TYRP1: variants seen among roughly 807,000 people sequenced by gnomAD.
TYRP1 encodes tyrosinase related protein 1, also known as 5,6-dihydroxyindole-2-carboxylic acid oxidase.
TYRP1 carries 49 observed loss-of-function variants against 42.8 expected under a neutral mutation model. The ratio of observed to expected loss-of-function variants is 1.14; its 90% confidence interval spans 0.91 to 1.45. The LOEUF (loss-of-function observed/expected upper bound fraction) is 1.45, where lower values mean the gene tolerates loss of function less well. TYRP1 is among the 40% of genes most tolerant of loss of function. TYRP1 has a pLI of 0.00. For synonymous variants in TYRP1, 279 were observed against 235.4 expected, an observed-to-expected ratio of 1.19 and a Z score of -1.69; for missense variants, 848 against 662.0, an observed-to-expected ratio of 1.28 and a Z score of -3.08.
At position 12,701,363 on chromosome 9, in the gene TYRP1, A is replaced by G. The variant is rs560157444; in HGVS notation, c.914-908A>G. On this transcript the variant is annotated intron_variant, in intron 4 of 7. Transcript: ENST00000388918. ...TTACAGCTAACATGATCTTTTCCAT[A>G]TAATGACAGGCACCAAACAACTCTT... 3.9e-5 allele frequency among the ~76,000 whole-genome samples: 6 copies of G among 152,072 alleles called. No individual in the cohort carries two copies. In the East Asian group the frequency reaches 7.8e-4, roughly 20 times the overall value.
At chr9:12,703,901 GTGTGTGTGTA>G (rs1818216084) in intron 5 of TYRP1, among the ~76,000 whole-genome samples, 1 of 149,676 alleles carries the variant, frequency 6.7e-6, no homozygotes, top group Non-Finnish European at 1.5e-5. Flanking sequence ...GTGTGTGTGT[GTGTGTGTGTA>G]TATATGTGTG....
Position 12,708,003 on chromosome 9 carries a change from C to G in TYRP1, c.1268C>G (p.Ser423Cys). ...TGTCTTTGGAATAATTTAGATATAT[C>G]CACATTTCCATTGGAAAATGCCCCT... ...EWLRRYNADI[S>C]TFPLENAPIG... is the part of the protein sequence containing the mutation. The change falls in exon 7 of 8, where the codon TCC (serine) becomes TGC (cysteine). Residue 423 changes from serine (S) to cysteine (C), a missense_variant. Physicochemically the swap from Ser to Cys is moderately radical, Grantham distance 112 (BLOSUM62 -1). Coordinates refer to ENST00000388918, the MANE Select transcript of TYRP1 (RefSeq NM_000550.3). 6.2e-7 allele frequency: 1 copy of G among 1,610,932 alleles called. No homozygotes were observed.
rs760181346 is a variant in TYRP1 at position 12,704,623 on chromosome 9, G to C, written c.1179G>C (p.Leu393Phe). 3.1e-6 allele frequency: 5 copies of C among 1,613,114 alleles called. No individual in the cohort carries two copies. The highest frequency in any genetic ancestry group is 4.2e-6 in the Non-Finnish European group (5 of 1,179,476). The change falls in exon 6 of 8, where the codon TTG (leucine) becomes TTC (phenylalanine). Residue 393 changes from leucine (L) to phenylalanine (F), a missense_variant. Leu to Phe is a conservative substitution (Grantham distance 22, BLOSUM62 0). Coordinates refer to ENST00000388918, the MANE Select transcript of TYRP1 (RefSeq NM_000550.3). ...FLNGTGGQTHLSPNDPIFVLL... is the reference protein window; with the variant it reads ...FLNGTGGQTHFSPNDPIFVLL... Reference sequence around the variant, plus strand: ...ATGGAACAGGGGGACAAACCCATTTGTCTCCAAATGATCCTATTTTTGTCC... The same window carrying C: ...ATGGAACAGGGGGACAAACCCATTTCTCTCCAAATGATCCTATTTTTGTCC...
Position 12,694,112 on chromosome 9 carries a change from G to T in TYRP1, c.116G>T (p.Gly39Val), listed in dbSNP as rs1563851472. ...GCCACTGTTGAGGCTTTGAGAAGTG[G>T]TATGTGTTGCCCAGACCTGTCCCCT... ...QCATVEALRS[G>V]MCCPDLSPVS... Residue 39 changes from glycine to valine, a missense_variant, in exon 2 of 8, where the codon GGT (glycine) becomes GTT (valine). By Grantham distance (109) the Gly-to-Val change is moderately radical. Coordinates refer to ENST00000388918, the MANE Select transcript of TYRP1 (RefSeq NM_000550.3). 2.5e-6 allele frequency: 4 copies of T among 1,614,070 alleles called. No homozygotes were observed. The South Asian group carries it at 4.4e-5, about 18-fold the overall frequency.
chr9:12,703,328 C>G (rs1045761404), intron 5 of TYRP1, among the ~76,000 whole-genome samples: 1 of 151,852 alleles, frequency 6.6e-6, no homozygotes, highest in Non-Finnish European at 1.5e-5. Flanking sequence ...TTTTAATTCT[C>G]TCACCTTTTA....
chr9:12,696,676 G>C (rs1193979882), intron 3 of TYRP1, among the ~76,000 whole-genome samples: 1 of 151,500 alleles, frequency 6.6e-6, no homozygotes, highest in Non-Finnish European at 1.5e-5. Context: ...ACATATTAAA[G>C]TATCTAGTTA....
In TYRP1 at chr9:12,709,269, C is replaced by A; in HGVS notation, c.*87C>A. 7.8e-7 allele frequency: 1 copy of A among 1,284,058 alleles called. No homozygotes were observed. 79.5% of individuals were successfully genotyped at this position (1,284,058 alleles called of 1,614,324 possible). A position where few individuals can be genotyped will look rare whatever the true frequency, so the allele number is the denominator to read the frequency against. On this transcript the variant is annotated 3_prime_UTR_variant, in exon 8 of 8. Coordinates refer to ENST00000388918, the MANE Select transcript of TYRP1 (RefSeq NM_000550.3). ...GAGTTATTAACTGTATTTTCTTTCACTTTATTACCTTCTTTCTAATACAAG... is the reference window on the plus strand; with the variant it reads ...GAGTTATTAACTGTATTTTCTTTCAATTTATTACCTTCTTTCTAATACAAG...
intron 6 of TYRP1, among the ~76,000 whole-genome samples, chr9:12,707,337 AATACGATGCT>A (rs1818274547): frequency 6.6e-6 from 1 of 152,002 alleles, no homozygotes; most frequent in Non-Finnish European, 1.5e-5. Context: ...AGGTACCAGA[AATACGATGCT>A]ATACAAAATT....
chr9:12,704,689 G>A lies in TYRP1; in HGVS notation c.1245G>A (p.Leu415=), dbSNP rs756287313. The change falls in exon 6 of 8, where the codon CTG becomes CTA. Residue 415 remains leucine (L), a synonymous_variant. Transcript: ENST00000388918. ...TFTDAVFDEW[L]RRYNADISTF... ...CAGATGCAGTCTTTGATGAATGGCT[G>A]AGGAGATACAATGCTGGTAAGACAT... 6.2e-7 allele frequency: 1 copy of A among 1,612,926 alleles called. No homozygotes were observed. The highest frequency in any genetic ancestry group is 2.2e-5 in the East Asian group (1 of 44,820).
Position 12,709,524 on chromosome 9 carries a change from T to G in TYRP1, c.*342T>G. The G allele has an allele frequency of 3.9e-6, 1 of 259,522 alleles. No individual in the cohort carries two copies. The highest frequency in any genetic ancestry group is 5.7e-5 in the South Asian group (1 of 17,562). The allele number at this position is 259,522 out of a possible 1,614,324, so 16.1% of individuals were successfully genotyped here. On this transcript the variant is annotated 3_prime_UTR_variant, in exon 8 of 8. Coordinates refer to ENST00000388918, the MANE Select transcript of TYRP1 (RefSeq NM_000550.3). ...GTTTACGTGTAAAGGAAAATAATGT[T>G]TGATAGTAAATGTCCACTTAAAATA...
chr9:12,702,757 C>G (rs1350103855), intron 5 of TYRP1, among the ~76,000 whole-genome samples: 1 of 151,696 alleles, frequency 6.6e-6, no homozygotes, highest in African/African-American at 2.4e-5. Flanking sequence ...CTAGCATTGG[C>G]AAACAATATT....
chr9:12,695,422 A>T, intron 2 of TYRP1, 93 bp from the exon 3 acceptor site: 2 of 1,130,438 alleles, frequency 1.8e-6, no homozygotes, highest in Non-Finnish European at 2.7e-6. Context: ...AGATGGATAA[A>T]TGGGTCGTGG....
intron 3 of TYRP1, 98 bp from the exon 4 acceptor site, chr9:12,698,353 A>T: frequency 8.4e-7 from 1 of 1,189,448 alleles, no homozygotes; most frequent in South Asian, 1.3e-5. Flanking sequence ...TATTGTCTGA[A>T]GAGAGCTAAT....
At chr9:12,700,011 ATATT>A (rs1328051298) in intron 4 of TYRP1, 1 of 152,128 alleles carries the variant, frequency 6.6e-6, no homozygotes, top group African/African-American at 2.4e-5. Flanking sequence ...AAATTGAAGA[ATATT>A]TATTTTAGGT....
intron 3 of TYRP1, among the ~76,000 whole-genome samples, chr9:12,696,982 C>G (rs1818089168): frequency 6.6e-6 from 1 of 152,130 alleles, no homozygotes; most frequent in African/African-American, 2.4e-5. Context: ...AATTAATGCA[C>G]TAACATACAG....
intron 6 of TYRP1, 120 bp from the exon 7 acceptor site, chr9:12,707,877 T>C: frequency 1.1e-6 from 1 of 951,244 alleles, no homozygotes; most frequent in South Asian, 1.8e-5. Flanking sequence ...TTATTCAGTG[T>C]AAAATAAGAA....
rs2118223827 is a variant in TYRP1, at chr9:12,695,765, T to A, written c.636T>A (p.Asp212Glu). The A allele has an allele frequency of 6.2e-7, 1 of 1,614,110 alleles. No homozygotes were observed. The highest frequency in any genetic ancestry group is 8.5e-7 in the Non-Finnish European group (1 of 1,180,004). Residue 212 changes from aspartate (D) to glutamate (E), a missense_variant, in exon 3 of 8, where the codon GAT (aspartate) becomes GAA (glutamate). Coordinates refer to ENST00000388918, the MANE Select transcript of TYRP1 (RefSeq NM_000550.3). ...GACAGGAAAGCTTTGGTGAAGTGGA[T>A]TTCTCTCATGAGGGACCAGCTTTTC... ...GVGQESFGEV[D>E]FSHEGPAFLT...
chr9:12,709,334 C>A lies in TYRP1; in HGVS notation c.*152C>A. ...AAAGTTCTAGGCATACTTTTCAAAGCTGGGAAGACCCTTTCAGAATCTTTT... is the reference window on the plus strand; with the variant it reads ...AAAGTTCTAGGCATACTTTTCAAAGATGGGAAGACCCTTTCAGAATCTTTT... On this transcript the variant is annotated 3_prime_UTR_variant, in exon 8 of 8. Coordinates refer to ENST00000388918, the MANE Select transcript of TYRP1 (RefSeq NM_000550.3). 1 of 780,564 alleles carries A rather than the reference C, an allele frequency of 1.3e-6. No homozygotes were observed. The highest frequency in any genetic ancestry group is 2.1e-6 in the Non-Finnish European group (1 of 476,216). The allele number at this position is 780,564 out of a possible 1,614,324, so 48.4% of individuals were successfully genotyped here. A position where few individuals can be genotyped will look rare whatever the true frequency, so the allele number is the denominator to read the frequency against.
rs879715382 is a variant in TYRP1 at position 12,708,026 on chromosome 9, C to T, written c.1291C>T (p.Pro431Ser). The change falls in exon 7 of 8, where the codon CCT (proline) becomes TCT (serine). Residue 431 changes from proline to serine, a missense_variant. By Grantham distance (74) the Pro-to-Ser change is moderately conservative. Transcript: ENST00000388918. ...DISTFPLENA[P>S]IGHNRQYNMV... is the part of the protein sequence containing the mutation. ...ATCCACATTTCCATTGGAAAATGCCCCTATTGGACATAATAGACAATACAA... is the reference window on the plus strand; with the variant it reads ...ATCCACATTTCCATTGGAAAATGCCTCTATTGGACATAATAGACAATACAA... 1 of 1,612,208 alleles carries T rather than the reference C, an allele frequency of 6.2e-7. No homozygotes were observed. Among genetic ancestry groups the T allele is most frequent in the Non-Finnish European group, 8.5e-7 (1 of 1,178,956 alleles).
Sources: allele counts gnomAD v4.1 joint callset (sites outside exome capture counted in the v4.1 genomes callset), GRCh38; gene constraint gnomAD v4.1.1; transcripts MANE v1.5; gene names NCBI Gene and HGNC (gene_info 2026-07-23, HGNC 2026-07-21).